The following CABIN1 variants were observed in gnomAD, a reference collection of about 807,000 sequenced individuals.
The protein encoded by CABIN1 is calcineurin binding protein 1.
A neutral mutation model predicts 227.7 loss-of-function variants in CABIN1; 133 were observed. The ratio of observed to expected loss-of-function variants is 0.58; its 90% CI spans 0.51 to 0.67. The LOEUF (loss-of-function observed/expected upper bound fraction) is 0.67, where lower values mean the gene tolerates loss of function less well. Among genes scored for constraint, CABIN1 ranks in the 30% least tolerant of loss-of-function variants. The probability of loss-of-function intolerance (pLI) is 0.00; values close to 1 mark genes in which losing one functional copy is unlikely to be tolerated. For missense variants in CABIN1, 2,408 were observed against 2,852.5 expected, an observed-to-expected ratio of 0.84 and a Z score of 3.55; for synonymous variants, 1,086 against 1,155.1, an observed-to-expected ratio of 0.94 and a Z score of 1.21.
intron 29 of CABIN1, among the ~76,000 whole-genome samples, chr22:24,136,548 T>TTTTA (rs1333552591): frequency 8.4e-5 from 12 of 142,470 alleles, no homozygotes; most frequent in African/African-American, 2.9e-4. Context: ...TTTTTTTTTT[T>TTTTA]AGAGACAAGG....
chr22:24,109,036 A>G (rs1362053846), intron 26 of CABIN1, among the ~76,000 whole-genome samples: 1 of 152,196 alleles, frequency 6.6e-6, no homozygotes, highest in Non-Finnish European at 1.5e-5. Context: ...GTTAATCATA[A>G]CAGTTCTGTG....
rs766389616 is a variant in CABIN1, at chr22:24,084,611, GTTTGAGTATTTT to G, written c.2944_2955del (p.Phe982_Phe985del). The G allele has an allele frequency of 7.4e-6, 12 of 1,613,958 alleles. No homozygotes were observed. The highest frequency in any genetic ancestry group is 2.7e-5 in the African/African-American group (2 of 74,900). On this transcript the variant is annotated inframe_deletion, in exon 21 of 37. Transcript: ENST00000263119. The stretch of plus-strand genomic sequence containing the variant: ...TTATATGGGAGGATGCACTGTTCAT[GTTTGAGTATTTT>G]AAGCCCAAGACCCTTCCTGAATTTG...
intron 1 of CABIN1, among the ~76,000 whole-genome samples, chr22:24,032,234 A>G (rs547340490): frequency 1.3e-5 from 2 of 152,364 alleles, no homozygotes; most frequent in Admixed American, 6.5e-5. Flanking sequence ...AAGTGGAATC[A>G]TATAATATTT....
At chr22:24,175,948 G>C in intron 34 of CABIN1, 163 bp from the exon 35 acceptor site, 1 of 817,836 alleles carries the variant, frequency 1.2e-6, no homozygotes, top group Non-Finnish European at 2.0e-6. Flanking sequence ...GTGGTTTCTT[G>C]GCAGCACCAA....
At chr22:24,106,316 G>A (rs2042512963) in intron 26 of CABIN1, among the ~76,000 whole-genome samples, 1 of 152,258 alleles carries the variant, frequency 6.6e-6, no homozygotes, top group Admixed American at 6.5e-5. Context: ...ACCTTGCAGA[G>A]GGGCCTGCTG....
chr22:24,055,150 G>A lies in CABIN1; in HGVS notation c.1084G>A (p.Ala362Thr). The stretch of plus-strand genomic sequence containing the variant: ...CAGTCCTGGTCTGTTGGAGACAGGC[G>A]CTCCTGTGGGTAAGCAGGCCCCCTG... ...LHSPGLLETG[A>T]PVGDISGGDK... Residue 362 changes from alanine to threonine, a missense_variant, in exon 9 of 37, where the codon GCT becomes ACT. Coordinates refer to ENST00000263119, the MANE Select transcript of CABIN1 (RefSeq NM_012295.4). 6.2e-7 allele frequency: 1 copy of A among 1,611,358 alleles called. No homozygotes were observed. Among genetic ancestry groups the A allele is most frequent in the Non-Finnish European group, 8.5e-7 (1 of 1,180,000 alleles).
intron 20 of CABIN1, 50 bp downstream of exon 20, chr22:24,083,439 C>G: frequency 6.2e-7 from 1 of 1,602,096 alleles, no homozygotes; most frequent in Non-Finnish European, 8.5e-7. Context: ...GAGCTGTAAG[C>G]TCTTTTGAAG....
At chr22:24,031,117 T>C (rs1054656896) in intron 1 of CABIN1, among the ~76,000 whole-genome samples, 1 of 152,194 alleles carries the variant, frequency 6.6e-6, no homozygotes, top group African/African-American at 2.4e-5. Flanking sequence ...CCTTCAGCCA[T>C]TAATGGGCCC....
At chr22:24,107,569 C>G (rs2042584828) in intron 26 of CABIN1, among the ~76,000 whole-genome samples, 1 of 152,250 alleles carries the variant, frequency 6.6e-6, no homozygotes, top group Admixed American at 6.5e-5. Context: ...AGCCCCTGCA[C>G]AGCATGCCGT....
At chr22:24,116,479 G>T (rs1324504200) in intron 27 of CABIN1, among the ~76,000 whole-genome samples, 1 of 152,204 alleles carries the variant, frequency 6.6e-6, no homozygotes, top group Non-Finnish European at 1.5e-5. Context: ...GTTGTCGGTG[G>T]GGGGAGGCCA....
intron 27 of CABIN1, among the ~76,000 whole-genome samples, chr22:24,118,469 A>G (rs2043209210): frequency 6.6e-6 from 1 of 152,094 alleles, no homozygotes; most frequent in Non-Finnish European, 1.5e-5. Context: ...CCAGGCTGCT[A>G]CTACAGTAGG....
At chr22:24,150,300 A>G (rs2045405969) in intron 29 of CABIN1, among the ~76,000 whole-genome samples, 1 of 152,220 alleles carries the variant, frequency 6.6e-6, no homozygotes, top group South Asian at 2.1e-4. Context: ...GTCCTCAGCA[A>G]GTGTGCTTGG....
At position 24,177,900 on chromosome 22, in the gene CABIN1, C is replaced by T. The variant is rs2047205686; in HGVS notation, c.6519+83C>T. On this transcript the variant is annotated intron_variant, in intron 36 of 36. Transcript: ENST00000263119. The surrounding 1 kb of genome is among the most constrained non-coding windows in gnomAD (Gnocchi z 4.4). ...GGGCCTAGGATGGGGGTGGGGGTGGCAGGAGGGCCTGGGGTGTGGGTGAGG... is the reference window on the plus strand; with the variant it reads ...GGGCCTAGGATGGGGGTGGGGGTGGTAGGAGGGCCTGGGGTGTGGGTGAGG... The T allele has an allele frequency of 7.1e-7, 1 of 1,405,390 alleles. No homozygotes were observed. Among genetic ancestry groups the T allele is most frequent in the African/African-American group, 1.5e-5 (1 of 65,866 alleles). 87.1% of individuals were successfully genotyped at this position (1,405,390 alleles called of 1,614,324 possible).
intron 23 of CABIN1, among the ~76,000 whole-genome samples, chr22:24,088,579 G>C (rs1185271155): frequency 6.6e-6 from 1 of 151,886 alleles, no homozygotes; most frequent in East Asian, 1.9e-4. Context: ...TTGCGCTCCA[G>C]CCTGGGCGAC....
rs988649345 is a variant in CABIN1, at chr22:24,092,807, C to T, written c.3786+964C>T. ...GATTCCAGTATGCCCCTCCATAATC[C>T]CTAAGAGTTTGCTATGTCCCTGTAT... On this transcript the variant is annotated intron_variant, in intron 24 of 36. Coordinates refer to ENST00000263119, the MANE Select transcript of CABIN1 (RefSeq NM_012295.4). Among the ~76,000 whole-genome samples, 34 of 150,994 alleles carry T rather than the reference C, an allele frequency of 2.3e-4. 1 individual carries two copies. Among genetic ancestry groups the T allele is most frequent in the African/African-American group, 7.8e-4 (32 of 41,126 alleles).
At chr22:24,114,470 CTG>C (rs2042977445) in intron 27 of CABIN1, among the ~76,000 whole-genome samples, 1 of 152,232 alleles carries the variant, frequency 6.6e-6, no homozygotes, top group Admixed American at 6.5e-5. Context: ...GTGCTGGGCA[CTG>C]TGTTAATTCA....
At chr22:24,156,355 T>G (rs1374130551) in intron 29 of CABIN1, among the ~76,000 whole-genome samples, 1 of 151,916 alleles carries the variant, frequency 6.6e-6, no homozygotes, top group Non-Finnish European at 1.5e-5. Context: ...GGCACCCGGT[T>G]CAGCGTCAGG....
At chr22:24,089,469 G>A (rs989508985) in intron 23 of CABIN1, among the ~76,000 whole-genome samples, 1 of 152,068 alleles carries the variant, frequency 6.6e-6, no homozygotes, top group Non-Finnish European at 1.5e-5. Context: ...TGGAGTGTTA[G>A]GGTGGCAGGA....
chr22:24,077,377 G>T (rs1218791559), intron 19 of CABIN1, among the ~76,000 whole-genome samples: 1 of 152,160 alleles, frequency 6.6e-6, no homozygotes, highest in African/African-American at 2.4e-5. Context: ...ATAAATATGG[G>T]TTAAAGGAGA....
Sources: allele counts gnomAD v4.1 joint callset (sites outside exome capture counted in the v4.1 genomes callset), GRCh38; gene constraint gnomAD v4.1.1; non-coding constraint Gnocchi (gnomAD v3.1); transcripts MANE v1.5; gene names NCBI Gene and HGNC (gene_info 2026-07-23, HGNC 2026-07-21).